Variants in VTA1 observed in about 807,000 individuals in gnomAD.
The protein encoded by VTA1 is vesicle trafficking 1, also known as vacuolar protein sorting-associated protein VTA1 homolog.
Under a neutral mutation model 36.9 loss-of-function variants are expected in VTA1, and 24 were observed. That is an observed-to-expected ratio of 0.65 (90% CI 0.47 to 0.91). The LOEUF is 0.91. VTA1 is among the 40% of genes least tolerant of loss of function. The pLI is 0.00. For synonymous variants in VTA1, 142 were observed against 130.2 expected (o/e 1.09, Z -0.62); for missense variants, 393 against 377.2 (o/e 1.04, Z -0.35).
chr6:142,166,354 T>G (rs1409333900), intron 2 of VTA1, 32 bp downstream of exon 2: 1 of 1,480,966 alleles, frequency 6.8e-7, no homozygotes, highest in Non-Finnish European at 9.4e-7. Flanking sequence ...TATTTTCTGG[T>G]TATGGTTAAA....
At chr6:142,163,571 A>G (rs1420704630) in intron 1 of VTA1, among the ~76,000 whole-genome samples, 1 of 152,156 alleles carries the variant, frequency 6.6e-6, no homozygotes, top group Non-Finnish European at 1.5e-5. Flanking sequence ...TGCAAATACA[A>G]TGATTTCTTC....
rs768676953 is a variant in VTA1 at position 142,147,279 on chromosome 6, G to C, written c.-9G>C. On this transcript the variant is annotated 5_prime_UTR_variant, in exon 1 of 8. Transcript: ENST00000367630. ...AGCGCGAGTAGGAAGTGGTGAGTTC[G>C]GAGTAGAGATGGCCGCGCTTGCACC... 32 of 1,614,030 alleles carry C rather than the reference G, an allele frequency of 2.0e-5. No individual in the cohort carries two copies. In the South Asian group the frequency reaches 2.4e-4, roughly 12 times the overall value.
At position 142,165,108 on chromosome 6, in the gene VTA1, G is replaced by A. The variant is rs75745523; in HGVS notation, c.113-1120G>A. On this transcript the variant is annotated intron_variant, in intron 1 of 7. Coordinates refer to ENST00000367630, the MANE Select transcript of VTA1 (RefSeq NM_016485.5). ...ATAGCTATCCTTAATTCATAAAGGA[G>A]AATATGGAGCTATTCAGTAAATATC... Among the ~76,000 whole-genome samples, 12 of 152,342 alleles carry A rather than the reference G, an allele frequency of 7.9e-5. No homozygotes were observed. In the East Asian group the frequency reaches 2.3e-3, roughly 29 times the overall value.
intron 5 of VTA1, among the ~76,000 whole-genome samples, chr6:142,196,782 G>A (rs1337763547): frequency 1.3e-5 from 2 of 150,984 alleles, no homozygotes; most frequent in South Asian, 4.2e-4. Flanking sequence ...ATTTCTATTT[G>A]TTGATAACAT....
In VTA1 at chr6:142,159,478, GTATTATTATTATTAT is replaced by G. The variant is rs199893577; in HGVS notation, c.113-6712_113-6698del. 4.5e-3 allele frequency among the ~76,000 whole-genome samples: 611 copies of G among 134,838 alleles called. 2 individuals carry two copies. The highest frequency in any genetic ancestry group is 0.022 in the East Asian group (103 of 4,624). The allele number at this position is 134,838 out of a possible 152,430, so 88.5% of individuals were successfully genotyped here. ...CTGTCCACTGAATTTTTCATTTCAGGTATTATTATTATTATTATTATTATTATTATTATTATTATT... is the reference window on the plus strand; with the variant it reads ...CTGTCCACTGAATTTTTCATTTCAGGTATTATTATTATTATTATTATTATT... On this transcript the variant is annotated intron_variant, in intron 1 of 7. Coordinates refer to ENST00000367630, the MANE Select transcript of VTA1 (RefSeq NM_016485.5).
intron 5 of VTA1, among the ~76,000 whole-genome samples, chr6:142,190,154 T>C (rs1775426708): frequency 6.6e-6 from 1 of 152,202 alleles, no homozygotes; most frequent in African/African-American, 2.4e-5. Context: ...CCGTATCATT[T>C]TTTGTAAATC....
chr6:142,147,514 G>C (rs574641185), intron 1 of VTA1, 115 bp downstream of exon 1: 6 of 1,102,702 alleles, frequency 5.4e-6, no homozygotes, highest in Middle Eastern at 2.4e-4. Context: ...CCTGAGCTTT[G>C]ACCTCGAGCC....
At chr6:142,198,095 T>C (rs1582898134) in intron 5 of VTA1, among the ~76,000 whole-genome samples, 1 of 113,086 alleles carries the variant, frequency 8.8e-6, no homozygotes, top group African/African-American at 3.8e-5. Context: ...AGACTCCGTC[T>C]CAAAAAAAAA....
At chr6:142,188,695 A>C (rs984106835) in intron 4 of VTA1, among the ~76,000 whole-genome samples, 5 of 152,094 alleles carry the variant, frequency 3.3e-5, no homozygotes, top group African/African-American at 4.8e-5. Flanking sequence ...AGGTCAGTGG[A>C]AAATATAAAC....
chr6:142,154,836 C>T (rs777019207), intron 1 of VTA1, among the ~76,000 whole-genome samples: 2 of 151,908 alleles, frequency 1.3e-5, no homozygotes, highest in Non-Finnish European at 2.9e-5. Context: ...ATTATAGTTA[C>T]GTTATCATTT....
chr6:142,157,473 T>C (rs1384412171), intron 1 of VTA1, among the ~76,000 whole-genome samples: 1 of 152,244 alleles, frequency 6.6e-6, no homozygotes. Flanking sequence ...TGTGAACATA[T>C]ATGCAAACAT....
chr6:142,209,377 A>ATATAT (rs1256554803), intron 7 of VTA1, among the ~76,000 whole-genome samples: 1 of 151,672 alleles, frequency 6.6e-6, no homozygotes. Context: ...TCCGTTGTGT[A>ATATAT]TATACACTAT....
chr6:142,174,783 G>C (rs546043457), intron 4 of VTA1, among the ~76,000 whole-genome samples: 47 of 152,236 alleles, frequency 3.1e-4, no homozygotes, highest in African/African-American at 1.1e-3. Context: ...TAATAAGTGA[G>C]TTTTTGCCCT....
At chr6:142,197,793 T>C (rs1775582242) in intron 5 of VTA1, among the ~76,000 whole-genome samples, 1 of 151,912 alleles carries the variant, frequency 6.6e-6, no homozygotes, top group African/African-American at 2.4e-5. Context: ...GAAAAACATA[T>C]TCTGGGTGTG....
chr6:142,206,238 A>G (rs185608507), intron 7 of VTA1, among the ~76,000 whole-genome samples: 8 of 152,354 alleles, frequency 5.3e-5, no homozygotes, highest in Admixed American at 5.2e-4. Flanking sequence ...ATTAATATGC[A>G]AAAATTAATT....
At chr6:142,172,446 C>T (rs187384099) in intron 4 of VTA1, among the ~76,000 whole-genome samples, 1 of 152,198 alleles carries the variant, frequency 6.6e-6, no homozygotes, top group African/African-American at 2.4e-5. Context: ...CAAAACAGCC[C>T]TACCCTAGGG....
At chr6:142,210,375 T>A (rs1775879411) in intron 7 of VTA1, among the ~76,000 whole-genome samples, 1 of 152,174 alleles carries the variant, frequency 6.6e-6, no homozygotes, top group African/African-American at 2.4e-5. Context: ...GCAAAGATTT[T>A]TTTGTGTGTA....
intron 5 of VTA1, among the ~76,000 whole-genome samples, chr6:142,190,487 T>C (rs1006351303): frequency 6.6e-6 from 1 of 152,188 alleles, no homozygotes; most frequent in Non-Finnish European, 1.5e-5. Context: ...ACACAGTGCG[T>C]TTTACAAATT....
intron 7 of VTA1, among the ~76,000 whole-genome samples, chr6:142,204,998 A>G (rs192215456): frequency 6.6e-6 from 1 of 152,298 alleles, no homozygotes; most frequent in African/African-American, 2.4e-5. Context: ...TGCTGGGATT[A>G]CAGGCATGAG....
Sources: allele counts gnomAD v4.1 joint callset (sites outside exome capture counted in the v4.1 genomes callset), GRCh38; gene constraint gnomAD v4.1.1; transcripts MANE v1.5; gene names NCBI Gene and HGNC (gene_info 2026-07-23, HGNC 2026-07-21).